SCN2A: variants seen among roughly 807,000 people sequenced by gnomAD.
SCN2A encodes the protein sodium channel protein type 2 subunit alpha.
SCN2A carries 20 observed loss-of-function variants against 188.7 expected under a neutral mutation model. The ratio of observed to expected loss-of-function variants is 0.11; its 90% CI spans 0.07 to 0.15. The LOEUF is 0.15. Ranked by LOEUF, SCN2A falls within the 10% of genes least tolerant of loss-of-function variation. The pLI is 1.00. For missense variants in SCN2A, 1,278 were observed against 2,445.0 expected, an observed-to-expected ratio of 0.52 and a Z score of 10.07; for synonymous variants, 804 against 833.1, an observed-to-expected ratio of 0.97 and a Z score of 0.60.
intron 25 of SCN2A, among the ~76,000 whole-genome samples, chr2:165,385,538 CT>C (rs371177469): frequency 6.8e-4 from 104 of 152,250 alleles, no homozygotes; most frequent in African/African-American, 2.3e-3. Context: ...AGAAGAGTTA[CT>C]CATAATGAAT....
chr2:165,261,272 C>T lies in SCN2A; in HGVS notation c.-52+21632C>T, dbSNP rs142024628. ...TAAATTCCATAATTCTCAATTTTAT[C>T]TTTTGTAGAAGAACTGGACTAGATT... On this transcript the variant is annotated intron_variant, in intron 1 of 26. Coordinates refer to ENST00000375437, the MANE Select transcript of SCN2A (RefSeq NM_001040142.2). 3.2e-3 allele frequency among the ~76,000 whole-genome samples: 491 copies of T among 152,292 alleles called. 2 individuals carry two copies. The highest frequency in any genetic ancestry group is 0.011 in the African/African-American group (437 of 41,568).
At chr2:165,291,922 A>C (rs1480619805) in intron 1 of SCN2A, among the ~76,000 whole-genome samples, 1 of 152,028 alleles carries the variant, frequency 6.6e-6, no homozygotes, top group African/African-American at 2.4e-5. Flanking sequence ...CATGTGACCC[A>C]CCAGGTGTCA....
At chr2:165,304,919 C>G (rs1486247730) in intron 3 of SCN2A, among the ~76,000 whole-genome samples, 1 of 152,180 alleles carries the variant, frequency 6.6e-6, no homozygotes, top group Non-Finnish European at 1.5e-5. Flanking sequence ...ATGCATATTA[C>G]ATTTACAATG....
At chr2:165,313,528 A>G (rs547450355) in intron 8 of SCN2A, 92 bp from the exon 9 acceptor site, 3 of 1,497,640 alleles carry the variant, frequency 2.0e-6, no homozygotes, top group African/African-American at 2.8e-5. Flanking sequence ...TAGTGCCTGT[A>G]TAAAACAGAC....
At chr2:165,301,221 A>G (rs528384809) in intron 3 of SCN2A, among the ~76,000 whole-genome samples, 3 of 152,186 alleles carry the variant, frequency 2.0e-5, no homozygotes, top group Non-Finnish European at 4.4e-5. Context: ...TGAGACACCT[A>G]TTAGACATCA....
At chr2:165,278,180 G>A (rs1203981388) in intron 1 of SCN2A, among the ~76,000 whole-genome samples, 1 of 152,164 alleles carries the variant, frequency 6.6e-6, no homozygotes, top group Non-Finnish European at 1.5e-5. Flanking sequence ...AGAGATTAGT[G>A]TGAAAATTTA....
chr2:165,370,381 C>T, intron 20 of SCN2A, 82 bp downstream of exon 20: 1 of 1,298,590 alleles, frequency 7.7e-7, no homozygotes, highest in Non-Finnish European at 1.1e-6. Flanking sequence ...AGTGTAGGCA[C>T]TCAGTAACAC....
intron 14 of SCN2A, among the ~76,000 whole-genome samples, chr2:165,340,206 T>C (rs1260155810): frequency 6.6e-6 from 1 of 152,140 alleles, no homozygotes; most frequent in Non-Finnish European, 1.5e-5. Context: ...CAGGAGAACA[T>C]CTTTGAGACC....
At chr2:165,285,569 C>CT in intron 1 of SCN2A, 1 of 220,220 alleles carries the variant, frequency 4.5e-6, no homozygotes, top group Non-Finnish European at 1.0e-5. Flanking sequence ...TCATTCAGTA[C>CT]TTTAAGAAGT....
chr2:165,367,118 T>C, intron 18 of SCN2A, 99 bp from the exon 19 acceptor site: 2 of 1,131,506 alleles, frequency 1.8e-6, no homozygotes. Context: ...TTATTTACAA[T>C]GTATTATCAG....
intron 17 of SCN2A, among the ~76,000 whole-genome samples, chr2:165,355,598 G>A (rs1029968523): frequency 4.6e-5 from 7 of 152,150 alleles, no homozygotes; most frequent in East Asian, 1.9e-4. Flanking sequence ...CATACGAACT[G>A]TTTGGCGAGG....
chr2:165,340,508 G>A (rs1382925680), intron 14 of SCN2A, among the ~76,000 whole-genome samples: 1 of 152,188 alleles, frequency 6.6e-6, no homozygotes, highest in Non-Finnish European at 1.5e-5. Flanking sequence ...TTTTGGACCT[G>A]TTGAATTTGA....
intron 17 of SCN2A, among the ~76,000 whole-genome samples, chr2:165,360,768 A>G (rs1163202061): frequency 6.6e-6 from 1 of 151,972 alleles, no homozygotes; most frequent in Admixed American, 6.6e-5. Context: ...AAATATCCAA[A>G]TTATACCAAA....
intron 1 of SCN2A, among the ~76,000 whole-genome samples, chr2:165,247,090 C>A (rs1321174953): frequency 6.6e-6 from 1 of 152,108 alleles, no homozygotes; most frequent in East Asian, 1.9e-4. Context: ...AATCAACTAT[C>A]CCTGTTTCTA....
intron 1 of SCN2A, among the ~76,000 whole-genome samples, chr2:165,240,859 G>A (rs1035363619): frequency 6.6e-6 from 1 of 152,122 alleles, no homozygotes; most frequent in African/African-American, 2.4e-5. Flanking sequence ...TTTTTTAAAT[G>A]TGTGGAATCT....
At chr2:165,248,578 C>T (rs1045054025) in intron 1 of SCN2A, among the ~76,000 whole-genome samples, 6 of 152,126 alleles carry the variant, frequency 3.9e-5, no homozygotes, top group Admixed American at 6.6e-5. Flanking sequence ...CTCCCACATT[C>T]TTCTATACTT....
intron 12 of SCN2A, 84 bp from the exon 13 acceptor site, chr2:165,326,764 TTTAG>T: frequency 7.3e-7 from 1 of 1,367,798 alleles, no homozygotes; most frequent in Non-Finnish European, 1.0e-6. Context: ...ATGGTGTATA[TTTAG>T]TTAAATAACA....
intron 3 of SCN2A, among the ~76,000 whole-genome samples, chr2:165,302,773 C>T (rs1696891672): frequency 6.6e-6 from 1 of 152,124 alleles, no homozygotes; most frequent in Non-Finnish European, 1.5e-5. Flanking sequence ...TCCACGGAGA[C>T]AGGGGTGGGT....
At chr2:165,378,020 C>A (rs910031086) in intron 23 of SCN2A, among the ~76,000 whole-genome samples, 2 of 151,560 alleles carry the variant, frequency 1.3e-5, no homozygotes, top group African/African-American at 4.8e-5. Context: ...AGCTTTTGAT[C>A]TTCCTTATAA....
Sources: allele counts gnomAD v4.1 joint callset (sites outside exome capture counted in the v4.1 genomes callset), GRCh38; gene constraint gnomAD v4.1.1; transcripts MANE v1.5; gene names NCBI Gene and HGNC (gene_info 2026-07-23, HGNC 2026-07-21).